The following PAK2 variants were observed in gnomAD, a reference collection of about 807,000 sequenced individuals.
PAK2 encodes p21 (RAC1) activated kinase 2, also known as serine/threonine-protein kinase PAK 2.
Under a neutral mutation model 65.9 loss-of-function variants are expected in PAK2, and 21 were observed. That is an observed-to-expected ratio of 0.32 (90% confidence interval 0.23 to 0.46). The LOEUF is 0.46. Among genes scored for constraint, PAK2 ranks in the 20% least tolerant of loss-of-function variants. The probability of loss-of-function intolerance (pLI) is 1.00; values close to 1 mark genes in which losing one functional copy is unlikely to be tolerated. For missense variants in PAK2, 324 were observed against 642.6 expected (o/e 0.50, Z 5.36); for synonymous variants, 204 against 219.7 (o/e 0.93, Z 0.63).
At chr3:196,784,579 G>A (rs1181991498) in intron 2 of PAK2, among the ~76,000 whole-genome samples, 5 of 125,780 alleles carry the variant, frequency 4.0e-5, no homozygotes. Context: ...TGGCTGCATA[G>A]TATTCCATGG....
At chr3:196,749,474 C>T (rs111904033) in intron 1 of PAK2, among the ~76,000 whole-genome samples, 3 of 152,172 alleles carry the variant, frequency 2.0e-5, no homozygotes, top group African/African-American at 7.2e-5. Flanking sequence ...TTTTGATTTG[C>T]ATTTCTCTAG....
chr3:196,805,873 A>AT (rs1043642092), intron 5 of PAK2, among the ~76,000 whole-genome samples: 37 of 150,284 alleles, frequency 2.5e-4, no homozygotes, highest in African/African-American at 7.8e-4. Flanking sequence ...CTGGAGTTTT[A>AT]TTTTTTTATA....
chr3:196,811,317 T>C (rs142775211), intron 8 of PAK2, among the ~76,000 whole-genome samples: 320 of 1,196 alleles, frequency 0.27, 2 homozygotes, highest in South Asian at 0.3. Flanking sequence ...TCCCTTCCTT[T>C]CCTTCCTTCC....
rs758343803 is a variant in PAK2 at position 196,809,348 on chromosome 3, C to CTTT, written c.710-1225_710-1223dup. Among the ~76,000 whole-genome samples, 63 of 90,714 alleles carry CTTT rather than the reference C, an allele frequency of 6.9e-4. 4 individuals carry two copies. The highest frequency in any genetic ancestry group is 0.013 in the Middle Eastern group (1 of 76). The allele number at this position is 90,714 out of a possible 152,430, so 59.5% of individuals were successfully genotyped here. A position where few individuals can be genotyped will look rare whatever the true frequency, so the allele number is the denominator to read the frequency against. ...GCTCTTACTCTGTTATTATTATTATCTTTTTTTTTTTTTTTTTTTGAGACA... is the reference window on the plus strand; with the variant it reads ...GCTCTTACTCTGTTATTATTATTATCTTTTTTTTTTTTTTTTTTTTTTGAGACA... On this transcript the variant is annotated intron_variant, in intron 7 of 14. Transcript: ENST00000327134.
At chr3:196,821,890 C>T (rs1456774715) in intron 13 of PAK2, among the ~76,000 whole-genome samples, 1 of 152,184 alleles carries the variant, frequency 6.6e-6, no homozygotes, top group Non-Finnish European at 1.5e-5. Flanking sequence ...AACCTTCATG[C>T]AGCCACAGAA....
intron 2 of PAK2, among the ~76,000 whole-genome samples, chr3:196,794,359 A>G (rs1577726529): frequency 6.6e-6 from 1 of 152,310 alleles, no homozygotes; most frequent in East Asian, 1.9e-4. Flanking sequence ...CACCAGCAAC[A>G]TCCAAGAACT....
intron 1 of PAK2, among the ~76,000 whole-genome samples, chr3:196,781,941 T>A (rs1328464523): frequency 6.6e-6 from 1 of 152,060 alleles, no homozygotes; most frequent in African/African-American, 2.4e-5. Flanking sequence ...CCGTCTCTAC[T>A]AAAAATACAA....
chr3:196,767,311 GTA>G (rs1714202086), intron 1 of PAK2, among the ~76,000 whole-genome samples: 1 of 152,026 alleles, frequency 6.6e-6, no homozygotes, highest in South Asian at 2.1e-4. Context: ...GGGTCAAAAG[GTA>G]TATATGTAGT....
intron 12 of PAK2, among the ~76,000 whole-genome samples, chr3:196,819,042 G>A (rs1711568887): frequency 6.6e-6 from 1 of 152,150 alleles, no homozygotes; most frequent in Non-Finnish European, 1.5e-5. Context: ...GTAAGTACAA[G>A]GATGTTCTCT....
At position 196,805,353 on chromosome 3, in the gene PAK2, GA is replaced by G; in HGVS notation, c.441del (p.Asp148MetfsTer10). 6.9e-7 allele frequency: 1 copy of G among 1,442,294 alleles called. No homozygotes were observed. The highest frequency in any genetic ancestry group is 9.4e-7 in the Non-Finnish European group (1 of 1,059,206). 89.3% of individuals were successfully genotyped at this position (1,442,294 alleles called of 1,614,324 possible). On this transcript the variant is annotated frameshift_variant and splice_region_variant, in exon 5 of 15. Transcript: ENST00000327134. LOFTEE classifies it high-confidence loss of function. ...TGTTATGTTTTGTTTCATATTCAGAGAAAGATGGCTTTCCTTCTGGAACACC... is the reference window on the plus strand; with the variant it reads ...TGTTATGTTTTGTTTCATATTCAGAGAAGATGGCTTTCCTTCTGGAACACC... ...QKYLSFTPPE[K>X]DGFPSGTPAL... is the part of the protein sequence containing the mutation.
chr3:196,785,607 G>A (rs1714860668), intron 2 of PAK2, among the ~76,000 whole-genome samples: 1 of 152,130 alleles, frequency 6.6e-6, no homozygotes, highest in African/African-American at 2.4e-5. Flanking sequence ...TGAAATATCT[G>A]TTCAAGAGAA....
intron 2 of PAK2, among the ~76,000 whole-genome samples, chr3:196,800,600 G>T (rs1417030600): frequency 6.6e-6 from 1 of 152,060 alleles, no homozygotes; most frequent in Admixed American, 6.6e-5. Flanking sequence ...TTACAAAATG[G>T]CAATAAAATA....
chr3:196,768,499 T>C (rs974113318), intron 1 of PAK2, among the ~76,000 whole-genome samples: 2 of 151,460 alleles, frequency 1.3e-5, no homozygotes, highest in Non-Finnish European at 2.9e-5. Flanking sequence ...TATATATGTA[T>C]GTATGTATTT....
Position 196,761,844 on chromosome 3 carries a change from C to T in PAK2, c.-21-20782C>T, listed in dbSNP as rs1471247607. ...GGCCGGGCGGGGGGCTGACCCCCCC[C>T]CACCTCCCTCCCGGACGGGGTGGCT... On this transcript the variant is annotated intron_variant, in intron 1 of 14. Coordinates refer to ENST00000327134, the MANE Select transcript of PAK2 (RefSeq NM_002577.4). Among the ~76,000 whole-genome samples the T allele has an allele frequency of 2.7e-5, 4 of 146,108 alleles. 1 individual carries two copies. In the Admixed American group the frequency reaches 2.8e-4, roughly 10 times the overall value.
chr3:196,746,060 C>T (rs1314555218), intron 1 of PAK2, among the ~76,000 whole-genome samples: 1 of 151,502 alleles, frequency 6.6e-6, no homozygotes, highest in Admixed American at 6.6e-5. Context: ...ATCTCCTGAC[C>T]TCGTGATCCG....
chr3:196,825,968 C>G (rs534582036), intron 13 of PAK2, among the ~76,000 whole-genome samples: 1 of 151,954 alleles, frequency 6.6e-6, no homozygotes, highest in Non-Finnish European at 1.5e-5. Context: ...CTCAGCCTCC[C>G]GAGTAGCTGG....
chr3:196,815,497 A>C (rs1715987991), intron 11 of PAK2, among the ~76,000 whole-genome samples: 2 of 151,798 alleles, frequency 1.3e-5, no homozygotes, highest in Non-Finnish European at 2.9e-5. Context: ...CTCAAAAAAA[A>C]AAAAAAAGAG....
At chr3:196,792,233 A>G (rs148257245) in intron 2 of PAK2, among the ~76,000 whole-genome samples, 2 of 152,340 alleles carry the variant, frequency 1.3e-5, no homozygotes, top group African/African-American at 2.4e-5. Flanking sequence ...AAGAACACAT[A>G]TAATCATAGT....
Position 196,767,483 on chromosome 3 carries a change from T to TTTTG in PAK2, c.-21-15122_-21-15119dup, listed in dbSNP as rs57659732. On this transcript the variant is annotated intron_variant, in intron 1 of 14. Transcript: ENST00000327134. ...AGCAATTTATAATGAAATACATGTT[T>TTTTG]TTTGTTTGTTTGTTTGTTTGTTTGA... Among the ~76,000 whole-genome samples the TTTTG allele has an allele frequency of 4.8e-3, 734 of 152,038 alleles. 7 individuals are homozygous for TTTTG. Among genetic ancestry groups the TTTTG allele is most frequent in the African/African-American group, 0.016 (655 of 41,452 alleles).
Sources: gnomAD v4.1 joint callset for allele counts (sites outside exome capture counted in the v4.1 genomes callset) on GRCh38, gnomAD v4.1.1 for gene constraint, MANE v1.5 for transcripts, NCBI Gene and HGNC (gene_info 2026-07-23, HGNC 2026-07-21) for gene names.